CEP70: variants seen among roughly 807,000 people sequenced by gnomAD.
The protein encoded by CEP70 is centrosomal protein of 70 kDa.
In CEP70, 70 loss-of-function variants were observed where a neutral mutation model predicts 90.9. The observed-to-expected ratio is 0.77, with a 90% CI of 0.64 to 0.94. The LOEUF (loss-of-function observed/expected upper bound fraction) is 0.94, where lower values mean the gene tolerates loss of function less well. Among genes scored for constraint, CEP70 ranks in the 40% least tolerant of loss-of-function variants. The pLI, the probability that CEP70 is intolerant of heterozygous loss-of-function variation, is 0.00. For missense variants in CEP70, 648 were observed against 669.0 expected (o/e 0.97, Z 0.35); for synonymous variants, 220 against 228.3 (o/e 0.96, Z 0.33).
chr3:138,520,511 A>G (rs1398082819), intron 11 of CEP70, among the ~76,000 whole-genome samples: 1 of 152,192 alleles, frequency 6.6e-6, no homozygotes, highest in African/African-American at 2.4e-5. Context: ...ATCAAACTAG[A>G]ACTCAGGATT....
intron 6 of CEP70, among the ~76,000 whole-genome samples, chr3:138,538,164 G>A (rs1277949442): frequency 6.6e-6 from 1 of 152,174 alleles, no homozygotes. Context: ...CATCACAAGT[G>A]TCTATAGCAA....
intron 11 of CEP70, among the ~76,000 whole-genome samples, chr3:138,521,381 G>A (rs1431295265): frequency 2.0e-5 from 3 of 150,924 alleles, no homozygotes; most frequent in East Asian, 2.0e-4. Context: ...CTGCCTGGCC[G>A]CCCATCATCT....
At position 138,591,921 on chromosome 3, in the gene CEP70, A is replaced by T; in HGVS notation, c.-73T>A. 1 of 1,334,440 alleles carries T rather than the reference A, an allele frequency of 7.5e-7. No homozygotes were observed. The highest frequency in any genetic ancestry group is 1.0e-6 in the Non-Finnish European group (1 of 998,448). 82.7% of individuals were successfully genotyped at this position (1,334,440 alleles called of 1,614,324 possible). A position where few individuals can be genotyped will look rare whatever the true frequency, so the allele number is the denominator to read the frequency against. On this transcript the variant is annotated 5_prime_UTR_variant, in exon 2 of 18. It removes the in-frame stop codon of an upstream open reading frame in the 5' UTR. Transcript: ENST00000264982. ...TCAGGTTGATCTCAATGAAATGATC[A>T]CCCAACGAGTCTCATGTCTGAAACT...
intron 3 of CEP70, among the ~76,000 whole-genome samples, chr3:138,572,644 T>C (rs188232090): frequency 3.9e-5 from 6 of 152,322 alleles, no homozygotes; most frequent in Admixed American, 3.3e-4. Context: ...CAAACTAGTG[T>C]TAAGTATGTA....
chr3:138,527,854 T>C (rs892664640), intron 10 of CEP70, among the ~76,000 whole-genome samples: 3 of 152,000 alleles, frequency 2.0e-5, no homozygotes, highest in African/African-American at 4.8e-5. Flanking sequence ...GCACCTAGCC[T>C]CCAAGGCGAT....
intron 2 of CEP70, 45 bp from the exon 3 acceptor site, chr3:138,572,977 T>A: frequency 1.5e-6 from 2 of 1,370,190 alleles, no homozygotes. Context: ...TTAAAAAATT[T>A]GAGTTGCCTA....
In CEP70 at chr3:138,563,254, G is replaced by A. The variant is rs147917468; in HGVS notation, c.465+7064C>T. ...AGACTCCCACAAAATAATAGTGGGA[G>A]ACTTTAACACCCCACTATCAATATT... On this transcript the variant is annotated intron_variant, in intron 6 of 17. Coordinates refer to ENST00000264982, the MANE Select transcript of CEP70 (RefSeq NM_024491.4). 7.6e-3 allele frequency among the ~76,000 whole-genome samples: 1,153 copies of A among 152,208 alleles called. 18 individuals carry two copies. Among genetic ancestry groups the A allele is most frequent in the African/African-American group, 0.026 (1,082 of 41,522 alleles).
intron 12 of CEP70, 57 bp from the exon 13 acceptor site, chr3:138,505,522 T>C (rs1560284727): frequency 3.2e-6 from 4 of 1,233,856 alleles, no homozygotes; most frequent in Non-Finnish European, 3.3e-6. Context: ...TACAAAGTTA[T>C]ATATTTTAAA....
At chr3:138,584,461 CAAAAAAA>C (rs35985463) in intron 2 of CEP70, among the ~76,000 whole-genome samples, 1,499 of 92,154 alleles carry the variant, frequency 0.016, 27 homozygotes, top group African/African-American at 0.064. Flanking sequence ...AAAGACATAT[CAAAAAAA>C]AAAAAAAAAA....
intron 12 of CEP70, among the ~76,000 whole-genome samples, chr3:138,505,960 A>G (rs34482601): frequency 0.069 from 10,566 of 152,252 alleles, 757 homozygotes; most frequent in East Asian, 0.38. Context: ...GTTTAACCAA[A>G]TATCGGGCAT....
At chr3:138,551,759 T>G (rs1817259) in intron 6 of CEP70, among the ~76,000 whole-genome samples, 1 of 112,638 alleles carries the variant, frequency 8.9e-6, no homozygotes, top group African/African-American at 3.9e-5. Flanking sequence ...AAAAAAAAAA[T>G]AAAATAAAAC....
chr3:138,513,846 T>G (rs1404950150), intron 11 of CEP70, among the ~76,000 whole-genome samples: 2 of 152,142 alleles, frequency 1.3e-5, no homozygotes, highest in African/African-American at 4.8e-5. Flanking sequence ...AGAAGGAAAT[T>G]TTATAATCAG....
chr3:138,537,858 A>G (rs2038416637), intron 6 of CEP70, among the ~76,000 whole-genome samples: 1 of 152,172 alleles, frequency 6.6e-6, no homozygotes, highest in Non-Finnish European at 1.5e-5. Flanking sequence ...ACTTCCCCCA[A>G]CAGAAAACCA....
chr3:138,526,992 CT>C (rs1222195790), intron 10 of CEP70, among the ~76,000 whole-genome samples: 1 of 138,484 alleles, frequency 7.2e-6, no homozygotes, highest in African/African-American at 3.0e-5. Context: ...AATAATCATG[CT>C]GAGTGAAAGA....
At chr3:138,547,126 C>T (rs1254509281) in intron 6 of CEP70, among the ~76,000 whole-genome samples, 2 of 152,208 alleles carry the variant, frequency 1.3e-5, no homozygotes, top group African/African-American at 4.8e-5. Context: ...TGCCTCAGCC[C>T]TCCCTAGAAG....
At chr3:138,582,545 G>A (rs1052503276) in intron 2 of CEP70, among the ~76,000 whole-genome samples, 3 of 151,146 alleles carry the variant, frequency 2.0e-5, no homozygotes, top group South Asian at 2.1e-4. Context: ...AGGCTGAGGC[G>A]GGCAGATCAC....
chr3:138,551,405 C>A (rs925543846), intron 6 of CEP70, among the ~76,000 whole-genome samples: 13 of 152,122 alleles, frequency 8.5e-5, no homozygotes, highest in African/African-American at 2.9e-4. Context: ...CAAAACAGAA[C>A]CTTTTCAAAG....
rs368476463 is a variant in CEP70 at position 138,577,028 on chromosome 3, A to T, written c.-5-4096T>A. Among the ~76,000 whole-genome samples, 5 of 152,368 alleles carry T rather than the reference A, an allele frequency of 3.3e-5. No homozygotes were observed. In the East Asian group the frequency reaches 9.6e-4, roughly 29 times the overall value. On this transcript the variant is annotated intron_variant, in intron 2 of 17. Transcript: ENST00000264982. Reference sequence around the variant, plus strand: ...TACTATGCAGCCATTAAAAAGAATGAGTTCATGTCCTTTGTAGGGACATGG... The same window carrying T: ...TACTATGCAGCCATTAAAAAGAATGTGTTCATGTCCTTTGTAGGGACATGG...
At chr3:138,551,575 G>A (rs1427050790) in intron 6 of CEP70, among the ~76,000 whole-genome samples, 14 of 151,786 alleles carry the variant, frequency 9.2e-5, no homozygotes, top group East Asian at 7.7e-4. Flanking sequence ...GTGAAACCCC[G>A]TCTCTACTAA....
Sources: allele counts gnomAD v4.1 joint callset (sites outside exome capture counted in the v4.1 genomes callset), GRCh38; gene constraint gnomAD v4.1.1; transcripts MANE v1.5; gene names NCBI Gene and HGNC (gene_info 2026-07-23, HGNC 2026-07-21).